Variants in RTL1 observed in about 807,000 individuals in gnomAD.
RTL1 encodes the protein retrotransposon-like protein 1.
For synonymous variants in RTL1, 727 were observed against 748.4 expected (o/e 0.97, Z 0.47); for missense variants, 1,681 against 1,767.5 (o/e 0.95, Z 0.88).
At position 100,884,199 on chromosome 14, in the gene RTL1, G is replaced by A. The variant is rs2140037619; in HGVS notation, c.590C>T (p.Ala197Val). 6.4e-7 allele frequency: 1 copy of A among 1,551,748 alleles called. No individual in the cohort carries two copies. Among genetic ancestry groups the A allele is most frequent in the South Asian group, 1.2e-5 (1 of 84,064 alleles). ...AEEILIKGIN[A>V]GQLPAPKHFS... ...GTGCTTTGGGGCGGGCAGTTGGCCT[G>A]CATTGATCCCTTTGATCAAGATCTC... The change falls in exon 4 of 4, where the codon GCA (alanine) becomes GTA (valine). Residue 197 changes from alanine to valine, a missense_variant. Ala to Val is a moderately conservative substitution (Grantham distance 64). Coordinates refer to ENST00000649591, the MANE Select transcript of RTL1 (RefSeq NM_001134888.3).
chr14:100,896,028 G>A (rs1050579168), intron 2 of RTL1, among the ~76,000 whole-genome samples: 1 of 149,574 alleles, frequency 6.7e-6, no homozygotes, highest in Non-Finnish European at 1.5e-5. Flanking sequence ...AGCCGAGATT[G>A]CACCATTGCA....
chr14:100,882,200 C>T lies in RTL1; in HGVS notation c.2589G>A (p.Ala863=), dbSNP rs1021000473. 3.9e-6 allele frequency: 6 copies of T among 1,550,384 alleles called. No individual in the cohort carries two copies. Among genetic ancestry groups the T allele is most frequent in the Admixed American group, 3.9e-5 (2 of 50,978 alleles). Residue 863 remains alanine (A), a synonymous_variant, in exon 4 of 4, where the codon GCG becomes GCA. Coordinates refer to ENST00000649591, the MANE Select transcript of RTL1 (RefSeq NM_001134888.3). The stretch of plus-strand genomic sequence containing the variant: ...GGGGCTTGGGGTGGTGGAGGAGAGG[C>T]GCCTTGCGGAAAGCCCTCTTCAGGC... ...FECLKRAFRK[A]PLLHHPKPQN...
Position 100,902,973 on chromosome 14 carries a change from G to T in RTL1, c.-149+318C>A, listed in dbSNP as rs1374510833. 2.0e-5 allele frequency among the ~76,000 whole-genome samples: 3 copies of T among 152,144 alleles called. No individual in the cohort carries two copies. The East Asian group carries it at 5.8e-4, about 29-fold the overall frequency. ...AACCTCTCCTGGCAGAGTCCCCTCT[G>T]CTGGCTTAATCGCACAAATCAAGTC... is the stretch of plus-strand genomic sequence containing the variant. On this transcript the variant is annotated intron_variant, in intron 2 of 3. Coordinates refer to ENST00000649591, the MANE Select transcript of RTL1 (RefSeq NM_001134888.3).
chr14:100,891,104 G>C (rs1419252606), intron 3 of RTL1, among the ~76,000 whole-genome samples: 6 of 152,068 alleles, frequency 3.9e-5, no homozygotes. Flanking sequence ...AGTTTGGGTT[G>C]GGTCCTGGGG....
At chr14:100,891,986 C>A (rs2038786244) in intron 3 of RTL1, among the ~76,000 whole-genome samples, 1 of 152,126 alleles carries the variant, frequency 6.6e-6, no homozygotes, top group African/African-American at 2.4e-5. Context: ...TCAGGGACAC[C>A]CATTGCTGCC....
At chr14:100,892,587 A>C (rs1476606802) in intron 3 of RTL1, among the ~76,000 whole-genome samples, 2 of 152,162 alleles carry the variant, frequency 1.3e-5, no homozygotes, top group Non-Finnish European at 2.9e-5. Context: ...TAACCCCACA[A>C]GGGGACGATG....
rs898396492 is a variant in RTL1, at chr14:100,893,829, C to T, written c.-148-324G>A. On this transcript the variant is annotated intron_variant, in intron 2 of 3. Transcript: ENST00000649591. This position sits in a 1 kb window ranked among gnomAD's most constrained non-coding sequence, Gnocchi z 4.2. ...GGAATCCGAGGCCTTGGGACCTACA[C>T]CCACCCTCACACCCGGGCCCACGCT... Among the ~76,000 whole-genome samples, 2 of 152,334 alleles carry T rather than the reference C, an allele frequency of 1.3e-5. No individual in the cohort carries two copies. Among genetic ancestry groups the T allele is most frequent in the Admixed American group, 1.3e-4 (2 of 15,306 alleles).
intron 3 of RTL1, among the ~76,000 whole-genome samples, chr14:100,885,393 C>A (rs969494687): frequency 3.9e-5 from 6 of 152,194 alleles, no homozygotes; most frequent in African/African-American, 1.4e-4. Flanking sequence ...TACTGTTTCA[C>A]CAGTGCAGTG....
intron 2 of RTL1, chr14:100,894,688 T>C (rs1342437605): frequency 6.6e-6 from 1 of 152,284 alleles, no homozygotes; most frequent in Non-Finnish European, 1.5e-5. Flanking sequence ...TTTCTCTTCT[T>C]GCCCTCCCAG....
intron 3 of RTL1, among the ~76,000 whole-genome samples, chr14:100,892,720 T>A (rs1368290164): frequency 6.6e-6 from 1 of 152,080 alleles, no homozygotes; most frequent in African/African-American, 2.4e-5. Context: ...AGGGGCAGGC[T>A]GATGACTGGA....
rs549762799 is a variant in RTL1, at chr14:100,884,608, C to T, written c.181G>A (p.Gly61Ser). The T allele has an allele frequency of 4.8e-5, 78 of 1,613,802 alleles. 2 individuals are homozygous for T. The South Asian group carries it at 8.2e-4, about 17-fold the overall frequency. ...PAQEKKEPPS[G>S]PLQEMEELPT... ...AGCTCTTCCATTTCCTGGAGTGGGC[C>T]ACTGGGGGGCTCCTTCTTTTCCTGG... is the stretch of plus-strand genomic sequence containing the variant. Residue 61 changes from glycine to serine, a missense_variant, in exon 4 of 4, where the codon GGC (glycine) becomes AGC (serine). By Grantham distance (56) the Gly-to-Ser change is moderately conservative. Coordinates refer to ENST00000649591, the MANE Select transcript of RTL1 (RefSeq NM_001134888.3).
At chr14:100,886,597 C>G (rs1021492150) in intron 3 of RTL1, among the ~76,000 whole-genome samples, 1 of 152,300 alleles carries the variant, frequency 6.6e-6, no homozygotes, top group South Asian at 2.1e-4. Context: ...TCATCATCAT[C>G]ATCATCATGA....
chr14:100,896,900 A>G (rs1012392350), intron 2 of RTL1, among the ~76,000 whole-genome samples: 1 of 152,166 alleles, frequency 6.6e-6, no homozygotes, highest in Non-Finnish European at 1.5e-5. Flanking sequence ...GCCTGGCCCC[A>G]TCTCATGTCA....
In RTL1 at chr14:100,882,710, C is replaced by T; in HGVS notation, c.2079G>A (p.Glu693=). ...GCTGGTAGCTCTTCATCTCTTCAAG[C>T]TCCAAACCAAACGCTGCTTTCCACA... ...EDVWKAAFGL[E]LEEMKSYQPF... is the part of the protein sequence containing the mutation. The change falls in exon 4 of 4, where the codon GAG becomes GAA. Residue 693 remains glutamate, a synonymous_variant. Coordinates refer to ENST00000649591, the MANE Select transcript of RTL1 (RefSeq NM_001134888.3). 6.4e-7 allele frequency: 1 copy of T among 1,551,952 alleles called. No homozygotes were observed.
chr14:100,884,559 A>C lies in RTL1; in HGVS notation c.230T>G (p.Met77Arg). ...ACGTGGGCCACTGGATGGCTCCTCC[A>C]TGTCTTGGAGTAGATCAGTGGGCAG... ...EELPTDLLQD[M>R]EEPSSGPRKE... The change falls in exon 4 of 4, where the codon ATG (methionine) becomes AGG (arginine). Residue 77 changes from methionine to arginine, a missense_variant. Physicochemically the swap from Met to Arg is moderately conservative, Grantham distance 91. Coordinates refer to ENST00000649591, the MANE Select transcript of RTL1 (RefSeq NM_001134888.3). 1 of 1,612,764 alleles carries C rather than the reference A, an allele frequency of 6.2e-7. No individual in the cohort carries two copies. The highest frequency in any genetic ancestry group is 8.5e-7 in the Non-Finnish European group (1 of 1,178,946).
At chr14:100,884,969 A>C (rs2038677772) in intron 3 of RTL1, 95 bp from the exon 4 acceptor site, 1 of 568,222 alleles carries the variant, frequency 1.8e-6, no homozygotes, top group Non-Finnish European at 3.1e-6. Flanking sequence ...CAGATGCCCA[A>C]CTAATCAGAG....
At chr14:100,886,555 T>C (rs1230303495) in intron 3 of RTL1, among the ~76,000 whole-genome samples, 3 of 152,204 alleles carry the variant, frequency 2.0e-5, no homozygotes, top group South Asian at 4.1e-4. Context: ...AAGCACAGTA[T>C]ACAAATCAGC....
intron 2 of RTL1, among the ~76,000 whole-genome samples, chr14:100,896,787 C>T (rs2038862283): frequency 6.6e-6 from 1 of 152,170 alleles, no homozygotes; most frequent in Admixed American, 6.5e-5. Flanking sequence ...AGGAATCAAG[C>T]TGTCAGGGGG....
At position 100,884,862 on chromosome 14, in the gene RTL1, T is replaced by C. The variant is rs572468483; in HGVS notation, c.-74A>G. On this transcript the variant is annotated 5_prime_UTR_variant, in exon 4 of 4. Coordinates refer to ENST00000649591, the MANE Select transcript of RTL1 (RefSeq NM_001134888.3). The stretch of plus-strand genomic sequence containing the variant: ...GGCGTCCAGTCAGTAGCTGGGACCG[T>C]GGAGATCAGAACCTGGTGGTGGAAG... 123 of 1,402,402 alleles carry C rather than the reference T, an allele frequency of 8.8e-5. 1 individual carries two copies. The South Asian group carries it at 1.6e-3, about 18-fold the overall frequency. 86.9% of individuals were successfully genotyped at this position (1,402,402 alleles called of 1,614,324 possible).
Sources: allele counts gnomAD v4.1 joint callset (sites outside exome capture counted in the v4.1 genomes callset), GRCh38; gene constraint gnomAD v4.1.1; non-coding constraint Gnocchi (gnomAD v3.1); transcripts MANE v1.5; gene names NCBI Gene and HGNC (gene_info 2026-07-23, HGNC 2026-07-21).